The following ANKRD44 variants were observed in gnomAD, a reference collection of about 807,000 sequenced individuals.
ANKRD44 encodes ankyrin repeat domain 44, also known as serine/threonine-protein phosphatase 6 regulatory ankyrin repeat subunit B.
In ANKRD44, 35 loss-of-function variants were observed where a neutral mutation model predicts 116.0. That is an observed-to-expected ratio of 0.30 (90% CI 0.23 to 0.40). The LOEUF (loss-of-function observed/expected upper bound fraction) is 0.40, where lower values mean the gene tolerates loss of function less well. Among genes scored for constraint, ANKRD44 ranks in the 10% least tolerant of loss-of-function variants. The pLI, the probability that ANKRD44 is intolerant of heterozygous loss-of-function variation, is 1.00. For synonymous variants in ANKRD44, 435 were observed against 461.8 expected (o/e 0.94, Z 0.74); for missense variants, 1,014 against 1,242.6 (o/e 0.82, Z 2.77).
At chr2:197,154,703 G>A (rs1030692491) in intron 2 of ANKRD44, among the ~76,000 whole-genome samples, 10 of 152,082 alleles carry the variant, frequency 6.6e-5, no homozygotes, top group African/African-American at 2.2e-4. Flanking sequence ...TTTTCCCCAA[G>A]TTACCATAAG....
chr2:197,100,166 G>T (rs1394197169), intron 9 of ANKRD44, among the ~76,000 whole-genome samples: 1 of 152,214 alleles, frequency 6.6e-6, no homozygotes, highest in Non-Finnish European at 1.5e-5. Flanking sequence ...GCCGGGCGTG[G>T]TGGCTAACGC....
intron 1 of ANKRD44, among the ~76,000 whole-genome samples, chr2:197,238,211 T>C (rs1423830403): frequency 2.6e-5 from 4 of 152,198 alleles, no homozygotes; most frequent in Non-Finnish European, 4.4e-5. Context: ...ACACAGACTA[T>C]GCCTGTTTGG....
rs1357577299 is a variant in ANKRD44, at chr2:197,136,587, C to T, written c.261+5G>A. On this transcript the variant is annotated splice_donor_5th_base_variant and intron_variant, in intron 4 of 27. Transcript: ENST00000282272. The stretch of plus-strand genomic sequence containing the variant: ...GGTATTAGATTAAATATGGTAATCA[C>T]TCACTTCACTTCTGGAAGCAACAGC... The T allele has an allele frequency of 6.2e-7, 1 of 1,613,492 alleles. No individual in the cohort carries two copies. The highest frequency in any genetic ancestry group is 1.1e-5 in the South Asian group (1 of 91,074).
intron 12 of ANKRD44, among the ~76,000 whole-genome samples, chr2:197,088,492 C>G (rs944912188): frequency 8.7e-5 from 13 of 148,760 alleles, no homozygotes; most frequent in Non-Finnish European, 1.8e-4. Flanking sequence ...AAGAAGAAAA[C>G]AAAAGAAGAA....
At position 197,152,848 on chromosome 2, in the gene ANKRD44, C is replaced by T. The variant is rs139354522; in HGVS notation, c.112-5743G>A. ...GTCATACACCAAAACAAACATTCCA[C>T]CCTGTATATGAATATCTTACATACC... On this transcript the variant is annotated intron_variant, in intron 2 of 27. Transcript: ENST00000282272. Among the ~76,000 whole-genome samples the T allele has an allele frequency of 2.2e-3, 337 of 152,264 alleles. 1 individual carries two copies. The highest frequency in any genetic ancestry group is 3.5e-3 in the Non-Finnish European group (237 of 68,010).
chr2:197,086,820 T>C (rs1454414851), intron 12 of ANKRD44, 72 bp from the exon 13 acceptor site: 3 of 1,418,694 alleles, frequency 2.1e-6, no homozygotes, highest in African/African-American at 1.4e-5. Context: ...AAGAGCTATT[T>C]TCTGCAGAGT....
At chr2:197,092,305 A>G (rs2078059724) in intron 10 of ANKRD44, among the ~76,000 whole-genome samples, 1 of 152,250 alleles carries the variant, frequency 6.6e-6, no homozygotes, top group African/African-American at 2.4e-5. Context: ...TCTCTGGCAC[A>G]AAGTGGCCCG....
At chr2:197,077,757 C>T (rs115165102) in intron 16 of ANKRD44, 17 of 152,256 alleles carry the variant, frequency 1.1e-4, no homozygotes, top group African/African-American at 3.6e-4. Flanking sequence ...ATTGATAATC[C>T]GGTCTGTTCG....
At chr2:197,208,322 T>G (rs2081254031) in intron 1 of ANKRD44, among the ~76,000 whole-genome samples, 1 of 152,144 alleles carries the variant, frequency 6.6e-6, no homozygotes, top group Non-Finnish European at 1.5e-5. Flanking sequence ...AAGGCTTATA[T>G]GATGATCCAC....
chr2:197,072,649 G>A (rs1272184716), intron 16 of ANKRD44, among the ~76,000 whole-genome samples: 1 of 152,164 alleles, frequency 6.6e-6, no homozygotes, highest in Non-Finnish European at 1.5e-5. Context: ...CACCTGATAA[G>A]TGCCTGACAG....
intron 2 of ANKRD44, among the ~76,000 whole-genome samples, chr2:197,169,963 A>G (rs2080188636): frequency 6.6e-6 from 1 of 152,056 alleles, no homozygotes; most frequent in Non-Finnish European, 1.5e-5. Flanking sequence ...GCCATGGCTG[A>G]TGGATCTCTT....
intron 1 of ANKRD44, among the ~76,000 whole-genome samples, chr2:197,290,017 C>T (rs60186838): frequency 0.039 from 5,989 of 151,972 alleles, 376 homozygotes; most frequent in African/African-American, 0.14. Flanking sequence ...CCCGCCACCA[C>T]GCCTGGCTAA....
intron 17 of ANKRD44, chr2:197,015,224 A>G (rs1042880955): frequency 1.9e-5 from 6 of 317,298 alleles, no homozygotes; most frequent in Non-Finnish European, 1.8e-5. Flanking sequence ...TTTCTAGGGA[A>G]GATTCTGCAA....
intron 1 of ANKRD44, among the ~76,000 whole-genome samples, chr2:197,232,816 A>G (rs1196763972): frequency 2.0e-5 from 3 of 152,178 alleles, no homozygotes; most frequent in African/African-American, 7.2e-5. Flanking sequence ...CACATAAGAG[A>G]GCAGAACTCT....
At chr2:197,109,727 TG>T (rs10708281) in intron 9 of ANKRD44, among the ~76,000 whole-genome samples, 95,334 of 151,998 alleles carry the variant, frequency 0.63, 33,800 homozygotes, top group East Asian at 0.95. Context: ...ACTGCCAGAT[TG>T]ACCTGGAATA....
At chr2:197,046,719 C>G (rs933396052) in intron 16 of ANKRD44, among the ~76,000 whole-genome samples, 27 of 150,566 alleles carry the variant, frequency 1.8e-4, no homozygotes, top group African/African-American at 5.8e-4. Context: ...TCTCTCAATT[C>G]TTTTTCTAAT....
intron 16 of ANKRD44, among the ~76,000 whole-genome samples, chr2:197,045,967 C>T (rs761976871): frequency 2.6e-5 from 4 of 152,074 alleles, no homozygotes; most frequent in African/African-American, 4.8e-5. Flanking sequence ...GATAACCAAC[C>T]GACATTTCAG....
At chr2:197,116,240 G>A (rs2078704141) in intron 8 of ANKRD44, among the ~76,000 whole-genome samples, 1 of 152,128 alleles carries the variant, frequency 6.6e-6, no homozygotes, top group Admixed American at 6.5e-5. Context: ...TGAGAGCATT[G>A]GTGGCATGTT....
At chr2:197,140,688 G>C (rs1446852485) in intron 3 of ANKRD44, among the ~76,000 whole-genome samples, 1 of 148,648 alleles carries the variant, frequency 6.7e-6, no homozygotes, top group South Asian at 2.1e-4. Context: ...TTGTTAAGAG[G>C]GTAGATCTCA....
Sources: allele counts gnomAD v4.1 joint callset (sites outside exome capture counted in the v4.1 genomes callset), GRCh38; gene constraint gnomAD v4.1.1; transcripts MANE v1.5; gene names NCBI Gene and HGNC (gene_info 2026-07-23, HGNC 2026-07-21).